SEM1: variants seen among roughly 807,000 people sequenced by gnomAD.
The protein encoded by SEM1 is 26S proteasome complex subunit SEM1.
A neutral mutation model predicts 12.7 loss-of-function variants in SEM1; 3 were observed. The observed-to-expected ratio is 0.24, with a 90% CI of 0.11 to 0.61. The LOEUF (loss-of-function observed/expected upper bound fraction) is 0.61. Among genes scored for constraint, SEM1 ranks in the 20% least tolerant of loss-of-function variants. The pLI is 0.88. For missense variants in SEM1, 59 were observed against 81.3 expected, an observed-to-expected ratio of 0.73 and a Z score of 1.06; for synonymous variants, 30 against 27.8, an observed-to-expected ratio of 1.08 and a Z score of -0.25.
chr7:96,563,908 T>C (rs1353653679), intron 2 of SEM1, among the ~76,000 whole-genome samples: 2 of 152,148 alleles, frequency 1.3e-5, no homozygotes, highest in Non-Finnish European at 2.9e-5. Context: ...AAGCTTCAGT[T>C]AGATTCATAA....
chr7:96,580,234 C>T (rs1359083238), intron 2 of SEM1, among the ~76,000 whole-genome samples: 2 of 147,124 alleles, frequency 1.4e-5, no homozygotes, highest in Non-Finnish European at 3.0e-5. Flanking sequence ...GTTTTTTGTT[C>T]TTGTGATAGT....
chr7:96,610,186 G>A (rs953362630), intron 2 of SEM1, among the ~76,000 whole-genome samples: 8 of 151,330 alleles, frequency 5.3e-5, no homozygotes, highest in Admixed American at 1.3e-4. Flanking sequence ...CGCAACCTCC[G>A]CCTCCTGGGT....
intron 2 of SEM1, among the ~76,000 whole-genome samples, chr7:96,562,584 T>C (rs1245053546): frequency 6.6e-6 from 1 of 152,208 alleles, no homozygotes; most frequent in African/African-American, 2.4e-5. Flanking sequence ...GAAACTTCTC[T>C]CTGAACTTGG....
At chr7:96,633,707 C>A (rs1389764422) in intron 2 of SEM1, among the ~76,000 whole-genome samples, 1 of 151,950 alleles carries the variant, frequency 6.6e-6, no homozygotes, top group East Asian at 1.9e-4. Flanking sequence ...AATAGGGAGA[C>A]TAGAGGCATT....
chr7:96,709,151 A>C (rs1467879537), intron 1 of SEM1, among the ~76,000 whole-genome samples: 1 of 152,126 alleles, frequency 6.6e-6, no homozygotes, highest in Non-Finnish European at 1.5e-5. Context: ...GTTAGGTCAC[A>C]GTTAAGTGAT....
intron 2 of SEM1, among the ~76,000 whole-genome samples, chr7:96,678,820 T>C (rs1789520551): frequency 6.6e-6 from 1 of 152,106 alleles, no homozygotes; most frequent in Non-Finnish European, 1.5e-5. Flanking sequence ...GTATATATGC[T>C]CTCTTTCAGA....
chr7:96,701,066 A>T (rs770539438), intron 1 of SEM1, among the ~76,000 whole-genome samples: 1 of 152,188 alleles, frequency 6.6e-6, no homozygotes, highest in Non-Finnish European at 1.5e-5. Context: ...TACTAAATAC[A>T]TGTCAGACAC....
rs549918555 is a variant in SEM1 at position 96,580,026 on chromosome 7, A to T, written c.171-73328T>A. On this transcript the variant is annotated intron_variant and NMD_transcript_variant, in intron 2 of 3. Transcript: ENST00000466986. ...GGTACATGTGCACAATGTGCAGGTT[A>T]GTTACATATGTATACATGTGCCATG... Among the ~76,000 whole-genome samples the T allele has an allele frequency of 5.1e-3, 772 of 151,188 alleles. 10 individuals are homozygous for T. Among genetic ancestry groups the T allele is most frequent in the African/African-American group, 0.018 (736 of 41,212 alleles).
chr7:96,596,560 G>A (rs530052707), intron 2 of SEM1, among the ~76,000 whole-genome samples: 3 of 152,040 alleles, frequency 2.0e-5, no homozygotes, highest in South Asian at 2.1e-4. Context: ...TTTTCTCCCC[G>A]GGTAATAATT....
chr7:96,663,969 T>C (rs967713288), intron 2 of SEM1, among the ~76,000 whole-genome samples: 8 of 152,034 alleles, frequency 5.3e-5, no homozygotes, highest in Non-Finnish European at 1.0e-4. Context: ...AATGTTAGAG[T>C]TGAATATACC....
intron 2 of SEM1, among the ~76,000 whole-genome samples, chr7:96,570,350 C>T (rs1235845844): frequency 1.3e-5 from 2 of 151,962 alleles, no homozygotes; most frequent in South Asian, 2.1e-4. Flanking sequence ...CCCCTAGCCC[C>T]CCACCCCCTG....
At chr7:96,518,601 G>A (rs1196648732) in intron 2 of SEM1, among the ~76,000 whole-genome samples, 1 of 152,018 alleles carries the variant, frequency 6.6e-6, no homozygotes, top group African/African-American at 2.4e-5. Context: ...CCTTTTCTCT[G>A]AATTTATATT....
chr7:96,505,673 C>T (rs1220490445), intron 3 of SEM1, among the ~76,000 whole-genome samples: 6 of 152,004 alleles, frequency 3.9e-5, no homozygotes, highest in South Asian at 2.1e-4. Flanking sequence ...AAGTCCAAGA[C>T]GAGAGTATCA....
chr7:96,685,695 A>G (rs909035024), downstream of SEM1, among the ~76,000 whole-genome samples: 2 of 151,884 alleles, frequency 1.3e-5, no homozygotes, highest in African/African-American at 4.8e-5. Flanking sequence ...ACACATATAA[A>G]TAGCTGAGAA....
chr7:96,673,641 C>T, exon 3 of SEM1: 1 of 661,910 alleles, frequency 1.5e-6, no homozygotes, highest in South Asian at 1.7e-5. Flanking sequence ...CCCACTCCCT[C>T]CTTACTGACT....
chr7:96,543,941 T>G (rs1805028982), intron 2 of SEM1, among the ~76,000 whole-genome samples: 1 of 152,072 alleles, frequency 6.6e-6, no homozygotes, highest in Non-Finnish European at 1.5e-5. Flanking sequence ...CTTGGCTTAG[T>G]GCTCTATGAT....
intron 2 of SEM1, among the ~76,000 whole-genome samples, chr7:96,549,206 CT>C (rs1371418516): frequency 6.6e-6 from 1 of 152,158 alleles, no homozygotes; most frequent in East Asian, 1.9e-4. Flanking sequence ...GTGACCAAAT[CT>C]TTCTAGTTTG....
chr7:96,483,810 G>T, exon 4 of SEM1: 1 of 1,535,170 alleles, frequency 6.5e-7, no homozygotes, highest in South Asian at 1.2e-5. Context: ...TACTTCAATA[G>T]ATGTGGGCAC....
At chr7:96,605,549 T>G (rs1807325603) in intron 2 of SEM1, among the ~76,000 whole-genome samples, 1 of 152,222 alleles carries the variant, frequency 6.6e-6, no homozygotes, top group Non-Finnish European at 1.5e-5. Context: ...CCAAGGTACA[T>G]TTAGATTGGG....
Sources: allele counts gnomAD v4.1 joint callset (sites outside exome capture counted in the v4.1 genomes callset), GRCh38; gene constraint gnomAD v4.1.1; transcripts MANE v1.5; gene names NCBI Gene and HGNC (gene_info 2026-07-23, HGNC 2026-07-21).